Variants in MACROD2 observed in about 807,000 individuals in gnomAD.
The protein encoded by MACROD2 is ADP-ribose glycohydrolase MACROD2.
Under a neutral mutation model 70.4 loss-of-function variants are expected in MACROD2, and 36 were observed. That is an observed-to-expected ratio of 0.51 (90% CI 0.39 to 0.68). MACROD2 has a LOEUF of 0.68. Ranked by LOEUF, MACROD2 falls within the 30% of genes least tolerant of loss-of-function variation. The pLI is 0.00. For missense variants in MACROD2, 496 were observed against 538.4 expected (o/e 0.92, Z 0.78); for synonymous variants, 172 against 178.8 (o/e 0.96, Z 0.30).
intron 5 of MACROD2, among the ~76,000 whole-genome samples, chr20:15,113,314 T>C (rs940955797): frequency 6.6e-6 from 1 of 152,160 alleles, no homozygotes; most frequent in African/African-American, 2.4e-5. Flanking sequence ...AACAATGCCA[T>C]ATGTAGCTGA....
intron 9 of MACROD2, among the ~76,000 whole-genome samples, chr20:15,874,127 C>T (rs866731365): frequency 1.5e-5 from 2 of 134,876 alleles, no homozygotes; most frequent in African/African-American, 5.5e-5. Context: ...CATGTATTCT[C>T]ATTGTTCAAC....
intron 2 of MACROD2, among the ~76,000 whole-genome samples, chr20:14,065,359 A>G (rs974165414): frequency 3.9e-5 from 6 of 152,144 alleles, no homozygotes; most frequent in African/African-American, 1.4e-4. Context: ...CTAATTTTTT[A>G]GTGCTTTCTG....
At position 14,810,835 on chromosome 20, in the gene MACROD2, A is replaced by T. The variant is rs143999136; in HGVS notation, c.418+125876A>T. 7.4e-4 allele frequency among the ~76,000 whole-genome samples: 113 copies of T among 152,240 alleles called. 2 individuals are homozygous for T. The highest frequency in any genetic ancestry group is 1.2e-3 in the Admixed American group (19 of 15,278). On this transcript the variant is annotated intron_variant, in intron 5 of 17. Coordinates refer to ENST00000684519, the MANE Select transcript of MACROD2 (RefSeq NM_001351661.2). ...CCAATTCACGAGCAAACTCCCATTC[A>T]CAATTGCTACGAAGAGAATAAAATA...
intron 8 of MACROD2, among the ~76,000 whole-genome samples, chr20:15,806,757 T>C (rs2063773087): frequency 6.6e-6 from 1 of 152,200 alleles, no homozygotes; most frequent in South Asian, 2.1e-4. Context: ...TTTTGTTACA[T>C]ATGAAAACAG....
chr20:15,845,589 A>G (rs200579241), intron 8 of MACROD2, among the ~76,000 whole-genome samples: 1 of 152,128 alleles, frequency 6.6e-6, no homozygotes, highest in African/African-American at 2.4e-5. Flanking sequence ...GAATGGGAGC[A>G]AACTAGATAA....
intron 3 of MACROD2, among the ~76,000 whole-genome samples, chr20:14,186,565 C>G (rs376893047): frequency 3.0e-4 from 45 of 152,254 alleles, no homozygotes; most frequent in African/African-American, 8.4e-4. Context: ...GAACTTAGAA[C>G]TACCTTTTGA....
At chr20:15,147,578 A>G (rs2076239773) in intron 5 of MACROD2, among the ~76,000 whole-genome samples, 1 of 151,918 alleles carries the variant, frequency 6.6e-6, no homozygotes, top group Admixed American at 6.6e-5. Context: ...CCTTAAAATT[A>G]TTATGCTATT....
At chr20:15,095,072 T>C (rs61445658) in intron 5 of MACROD2, among the ~76,000 whole-genome samples, 2,585 of 61,838 alleles carry the variant, frequency 0.042, 104 homozygotes, top group African/African-American at 0.19. Context: ...TTCTTTTTTT[T>C]TTTTTTTTTT....
chr20:14,786,014 A>G (rs1239890013), intron 5 of MACROD2, among the ~76,000 whole-genome samples: 2 of 152,130 alleles, frequency 1.3e-5, no homozygotes, highest in Admixed American at 1.3e-4. Flanking sequence ...ATGAAAATGC[A>G]TATTATAAAA....
intron 5 of MACROD2, among the ~76,000 whole-genome samples, chr20:14,862,715 A>ATATAAATATATATATATATTT (rs2073384739): frequency 1.6e-5 from 1 of 63,348 alleles, no homozygotes; most frequent in African/African-American, 6.6e-5. Flanking sequence ...ATATATATAT[A>ATATAAATATATATATATATTT]TTTTTTTTTA....
chr20:15,564,812 C>G (rs79170498), intron 8 of MACROD2, among the ~76,000 whole-genome samples: 5 of 152,182 alleles, frequency 3.3e-5, no homozygotes, highest in Middle Eastern at 3.4e-3. Flanking sequence ...ATGTATTTTT[C>G]CCTTGAACAA....
chr20:14,966,790 C>T (rs780895104), intron 5 of MACROD2, among the ~76,000 whole-genome samples: 13 of 151,704 alleles, frequency 8.6e-5, no homozygotes, highest in Non-Finnish European at 1.8e-4. Context: ...TCATTTTTTA[C>T]ACTACCATGT....
At chr20:14,495,940 G>A (rs1034787711) in intron 4 of MACROD2, among the ~76,000 whole-genome samples, 4 of 152,150 alleles carry the variant, frequency 2.6e-5, no homozygotes. Context: ...GTAGGTCATC[G>A]ACAGGTTTAA....
intron 3 of MACROD2, among the ~76,000 whole-genome samples, chr20:14,144,161 C>T (rs1028738138): frequency 2.4e-4 from 36 of 151,948 alleles, no homozygotes; most frequent in African/African-American, 7.5e-4. Context: ...ATTTGAGTGT[C>T]TTAAATAATT....
chr20:15,154,048 C>A (rs1404529665), intron 5 of MACROD2, among the ~76,000 whole-genome samples: 1 of 152,164 alleles, frequency 6.6e-6, no homozygotes, highest in East Asian at 1.9e-4. Flanking sequence ...GCTCAATAGA[C>A]TATCCCCTAC....
chr20:14,754,642 G>C (rs1416020740), intron 5 of MACROD2, among the ~76,000 whole-genome samples: 1 of 151,832 alleles, frequency 6.6e-6, no homozygotes, highest in Non-Finnish European at 1.5e-5. Flanking sequence ...AAGACTCTGG[G>C]GTCCTAAAAT....
chr20:14,660,111 C>A (rs370428206), intron 4 of MACROD2, among the ~76,000 whole-genome samples: 14 of 152,358 alleles, frequency 9.2e-5, no homozygotes, highest in African/African-American at 3.1e-4. Flanking sequence ...TTGATAAATA[C>A]AGCCATGGCT....
chr20:15,516,927 T>A (rs2047575656), intron 8 of MACROD2, among the ~76,000 whole-genome samples: 1 of 152,234 alleles, frequency 6.6e-6, no homozygotes, highest in African/African-American at 2.4e-5. Flanking sequence ...ACACTACTTA[T>A]GCTCATCTTG....
At chr20:14,253,526 A>G (rs1290962756) in intron 3 of MACROD2, among the ~76,000 whole-genome samples, 2 of 152,070 alleles carry the variant, frequency 1.3e-5, no homozygotes, top group Admixed American at 1.3e-4. Context: ...ATTTTAAACT[A>G]TATTTTTAGA....
Sources: allele counts gnomAD v4.1 joint callset (sites outside exome capture counted in the v4.1 genomes callset), GRCh38; gene constraint gnomAD v4.1.1; transcripts MANE v1.5; gene names NCBI Gene and HGNC (gene_info 2026-07-23, HGNC 2026-07-21).